LRRC49: variants seen among roughly 807,000 people sequenced by gnomAD.
LRRC49 encodes leucine rich repeat containing 49, also known as leucine-rich repeat-containing protein 49.
Under a neutral mutation model 83.3 loss-of-function variants are expected in LRRC49, and 50 were observed. The observed-to-expected ratio is 0.60, with a 90% CI of 0.48 to 0.76. The LOEUF (loss-of-function observed/expected upper bound fraction) is 0.76. Ranked by LOEUF, LRRC49 falls within the 30% of genes least tolerant of loss-of-function variation. LRRC49 has a pLI of 0.00. For synonymous variants in LRRC49, 286 were observed against 283.3 expected (o/e 1.01, Z -0.10); for missense variants, 704 against 809.1 (o/e 0.87, Z 1.58).
At chr15:71,028,354 A>C (rs1337663786) in intron 14 of LRRC49, among the ~76,000 whole-genome samples, 1 of 149,850 alleles carries the variant, frequency 6.7e-6, no homozygotes. Context: ...GGCCAGTATT[A>C]TATTGAGGAT....
intron 8 of LRRC49, among the ~76,000 whole-genome samples, chr15:70,955,034 T>G (rs1542083): frequency 0.81 from 123,502 of 151,758 alleles, 50,608 homozygotes; most frequent in Admixed American, 0.86. Flanking sequence ...CACTCCAGCT[T>G]GGGGTGCTGT....
chr15:70,935,343 A>G (rs1309952810), intron 7 of LRRC49, among the ~76,000 whole-genome samples: 1 of 152,208 alleles, frequency 6.6e-6, no homozygotes, highest in Non-Finnish European at 1.5e-5. Context: ...TACATAGGGT[A>G]GGTAGAAAAA....
chr15:70,971,091 G>T (rs2036979850), intron 9 of LRRC49, among the ~76,000 whole-genome samples: 1 of 152,112 alleles, frequency 6.6e-6, no homozygotes, highest in Admixed American at 6.6e-5. Flanking sequence ...GTCAATTTTA[G>T]ATCTTTCCCA....
intron 7 of LRRC49, among the ~76,000 whole-genome samples, chr15:70,928,469 TGTG>T (rs1183329204): frequency 1.3e-5 from 2 of 152,132 alleles, no homozygotes; most frequent in African/African-American, 4.8e-5. Context: ...TTTAATAAAA[TGTG>T]GTAATTTTAT....
intron 8 of LRRC49, among the ~76,000 whole-genome samples, chr15:70,940,523 G>A (rs547003955): frequency 2.0e-5 from 3 of 152,268 alleles, no homozygotes; most frequent in South Asian, 2.1e-4. Context: ...GATTACAGGC[G>A]TGAGCCACTG....
intron 11 of LRRC49, among the ~76,000 whole-genome samples, chr15:71,000,658 G>A (rs961583113): frequency 1.3e-5 from 2 of 151,870 alleles, no homozygotes; most frequent in African/African-American, 4.8e-5. Flanking sequence ...GTTTTTTTCT[G>A]GAGTTTCTGA....
intron 6 of LRRC49, among the ~76,000 whole-genome samples, chr15:70,913,755 GTTTAT>G (rs1280089901): frequency 6.6e-6 from 1 of 151,976 alleles, no homozygotes; most frequent in Non-Finnish European, 1.5e-5. Flanking sequence ...TATTTTTCTT[GTTTAT>G]TTTAAAGTGT....
intron 8 of LRRC49, among the ~76,000 whole-genome samples, chr15:70,959,536 GGGAAGGAA>G (rs375526332): frequency 0.15 from 11,996 of 79,338 alleles, 1,148 homozygotes; most frequent in Non-Finnish European, 0.18. Flanking sequence ...GAGGAAAGGA[GGGAAGGAA>G]GGAAGGAAGG....
At chr15:70,918,043 C>G (rs2034854798) in intron 6 of LRRC49, among the ~76,000 whole-genome samples, 1 of 152,250 alleles carries the variant, frequency 6.6e-6, no homozygotes, top group Non-Finnish European at 1.5e-5. Flanking sequence ...TTCCGAGTGC[C>G]ACTGTGTTCT....
chr15:70,959,456 G>A (rs547408384), intron 8 of LRRC49, among the ~76,000 whole-genome samples: 18 of 150,110 alleles, frequency 1.2e-4, no homozygotes, highest in African/African-American at 3.7e-4. Context: ...GTGCCATTGC[G>A]CTCCAGTCTG....
chr15:70,925,712 C>T (rs1328861862), intron 7 of LRRC49, among the ~76,000 whole-genome samples: 1 of 152,064 alleles, frequency 6.6e-6, no homozygotes, highest in Non-Finnish European at 1.5e-5. Context: ...CATCAATGTT[C>T]TTAATGGCAT....
intron 10 of LRRC49, 137 bp downstream of exon 10, chr15:70,980,321 C>A (rs1196386101): frequency 4.1e-6 from 2 of 489,548 alleles, no homozygotes; most frequent in Non-Finnish European, 7.3e-6. Flanking sequence ...TGTACGTACC[C>A]CTAAAACTTT....
intron 2 of LRRC49, among the ~76,000 whole-genome samples, chr15:70,874,217 C>T (rs775502850): frequency 2.6e-5 from 4 of 152,138 alleles, no homozygotes; most frequent in South Asian, 2.1e-4. Flanking sequence ...CTGACACTAA[C>T]GAGGGAGGGA....
chr15:70,856,589 A>C (rs2032659707), intron 1 of LRRC49, among the ~76,000 whole-genome samples: 1 of 152,246 alleles, frequency 6.6e-6, no homozygotes, highest in South Asian at 2.1e-4. Context: ...GGAATGTTTA[A>C]GGCAACTCAC....
chr15:70,954,243 T>C (rs1019467882), intron 8 of LRRC49, among the ~76,000 whole-genome samples: 1 of 152,212 alleles, frequency 6.6e-6, no homozygotes, highest in Admixed American at 6.5e-5. Context: ...TTTTAATGCA[T>C]CCAATTGTAT....
intron 15 of LRRC49, among the ~76,000 whole-genome samples, chr15:71,039,792 T>C (rs1340432060): frequency 6.6e-6 from 1 of 152,158 alleles, no homozygotes; most frequent in African/African-American, 2.4e-5. Flanking sequence ...TAGTAAAATA[T>C]CGAAAAGCTG....
chr15:70,873,430 G>T (rs896952349), intron 2 of LRRC49, among the ~76,000 whole-genome samples: 30 of 152,270 alleles, frequency 2.0e-4, no homozygotes, highest in African/African-American at 7.2e-4. Flanking sequence ...ATCAGGTAGT[G>T]CTTGCTGCAT....
intron 1 of LRRC49, among the ~76,000 whole-genome samples, chr15:70,870,648 G>C (rs1340762577): frequency 6.6e-6 from 1 of 152,094 alleles, no homozygotes; most frequent in Non-Finnish European, 1.5e-5. Flanking sequence ...GTGCCACCAC[G>C]CCCAGCTAAT....
At chr15:70,968,712 C>T (rs964061410) in intron 9 of LRRC49, among the ~76,000 whole-genome samples, 3 of 152,082 alleles carry the variant, frequency 2.0e-5, no homozygotes, top group Non-Finnish European at 4.4e-5. Context: ...ATGTGGTTTG[C>T]TTTGCATTTC....
Sources: gnomAD v4.1 joint callset for allele counts (sites outside exome capture counted in the v4.1 genomes callset) on GRCh38, gnomAD v4.1.1 for gene constraint, MANE v1.5 for transcripts, NCBI Gene and HGNC (gene_info 2026-07-23, HGNC 2026-07-21) for gene names.